The following CCDC15 variants were observed in gnomAD, a reference collection of about 807,000 sequenced individuals.
CCDC15 encodes the protein coiled-coil domain containing 15.
In CCDC15, 105 loss-of-function variants were observed where a neutral mutation model predicts 114.5. The observed-to-expected ratio is 0.92, with a 90% CI of 0.78 to 1.08. The LOEUF is 1.08. Ranked by LOEUF, CCDC15 falls within the 50% of genes least tolerant of loss-of-function variation. The probability of loss-of-function intolerance (pLI) is 0.00; values close to 1 mark genes in which losing one functional copy is unlikely to be tolerated. For missense variants in CCDC15, 1,105 were observed against 1,093.6 expected (o/e 1.01, Z -0.15); for synonymous variants, 334 against 377.8 (o/e 0.88, Z 1.34).
chr11:124,978,621 T>C (rs763717615), intron 6 of CCDC15, among the ~76,000 whole-genome samples: 4 of 152,178 alleles, frequency 2.6e-5, no homozygotes, highest in Non-Finnish European at 4.4e-5. Context: ...GTATGTCTTC[T>C]TTTGAAGTGT....
intron 13 of CCDC15, among the ~76,000 whole-genome samples, chr11:125,026,258 G>A (rs1049955968): frequency 6.6e-6 from 1 of 152,208 alleles, no homozygotes; most frequent in East Asian, 1.9e-4. Flanking sequence ...CTGGATGGAC[G>A]ATTCCCCTCT....
rs1349492342 is a variant in CCDC15, at chr11:125,002,420, ACTT to A, written c.2215-1440_2215-1438del. On this transcript the variant is annotated intron_variant, in intron 11 of 15. Coordinates refer to ENST00000344762, the MANE Select transcript of CCDC15 (RefSeq NM_025004.3). ...AATTTTGATAAAATCCGATTTGTCT[ACTT>A]CTTCTTTCATGGTTTGTGCTTTTAT... Among the ~76,000 whole-genome samples, 9 of 152,244 alleles carry A rather than the reference ACTT, an allele frequency of 5.9e-5. No homozygotes were observed. The South Asian group carries it at 1.7e-3, about 28-fold the overall frequency.
In CCDC15 at chr11:125,038,602, G is replaced by A. The variant is rs1428436496; in HGVS notation, c.2583G>A (p.Leu861=). Residue 861 remains leucine, a splice_region_variant and synonymous_variant, in exon 14 of 16, where the codon CTG becomes CTA. Coordinates refer to ENST00000344762, the MANE Select transcript of CCDC15 (RefSeq NM_025004.3). ...REKQQREKEY[L]RYVEALRAQI... is the part of the protein sequence containing the mutation. ...AACAACAGAGAGAAAAAGAATACCT[G>A]AGGTAATTTGAAAAGGTCTTCATGA... is the stretch of plus-strand genomic sequence containing the variant. The A allele has an allele frequency of 1.3e-6, 2 of 1,552,812 alleles. No individual in the cohort carries two copies. The highest frequency in any genetic ancestry group is 1.7e-6 in the Non-Finnish European group (2 of 1,153,638).
intron 2 of CCDC15, among the ~76,000 whole-genome samples, chr11:124,958,627 C>T (rs1947597322): frequency 6.6e-6 from 1 of 151,988 alleles, no homozygotes; most frequent in Non-Finnish European, 1.5e-5. Flanking sequence ...GTACTATACT[C>T]AGTTAACATT....
intron 4 of CCDC15, among the ~76,000 whole-genome samples, chr11:124,968,369 C>A (rs1244014322): frequency 6.6e-6 from 1 of 152,224 alleles, no homozygotes; most frequent in Non-Finnish European, 1.5e-5. Flanking sequence ...ATGGCGGACG[C>A]CCCTCCTCCA....
At chr11:124,963,269 G>A (rs1288841930) in intron 4 of CCDC15, among the ~76,000 whole-genome samples, 3 of 152,188 alleles carry the variant, frequency 2.0e-5, no homozygotes, top group Non-Finnish European at 4.4e-5. Flanking sequence ...CAGTGTAAAA[G>A]TGTTCCTATT....
intron 4 of CCDC15, among the ~76,000 whole-genome samples, chr11:124,970,794 A>G (rs1402875329): frequency 2.0e-5 from 3 of 152,160 alleles, no homozygotes; most frequent in Non-Finnish European, 2.9e-5. Flanking sequence ...TATTTCTCAA[A>G]TTTTATCCTT....
At chr11:124,993,315 A>G in intron 11 of CCDC15, 72 bp downstream of exon 11, 1 of 1,021,270 alleles carries the variant, frequency 9.8e-7, no homozygotes, top group Non-Finnish European at 1.5e-6. Flanking sequence ...AGTAAGTAAC[A>G]GAGTGTAAAT....
At chr11:124,986,680 TG>T in intron 6 of CCDC15, 61 bp from the exon 7 acceptor site, 2 of 1,389,640 alleles carry the variant, frequency 1.4e-6, no homozygotes, top group Non-Finnish European at 1.9e-6. Flanking sequence ...TGTGTGTGTG[TG>T]TGTGTGTGTT....
chr11:125,036,388 A>T (rs1426688210), intron 13 of CCDC15, among the ~76,000 whole-genome samples: 5 of 37,282 alleles, frequency 1.3e-4, no homozygotes, highest in African/African-American at 6.3e-4. Flanking sequence ...TTCTTTTCCT[A>T]CTTTTAGAAT....
chr11:124,995,352 A>G (rs1413812220), intron 11 of CCDC15, among the ~76,000 whole-genome samples: 3 of 152,084 alleles, frequency 2.0e-5, no homozygotes, highest in African/African-American at 7.2e-5. Flanking sequence ...AACAATTTGT[A>G]GTTAATTATT....
chr11:125,009,396 CTG>C (rs149136630), intron 13 of CCDC15, among the ~76,000 whole-genome samples: 7,746 of 152,074 alleles, frequency 0.051, 220 homozygotes, highest in Middle Eastern at 0.082. Context: ...TTGAAACACT[CTG>C]TATAATACTA....
intron 6 of CCDC15, 59 bp from the exon 7 acceptor site, chr11:124,986,683 G>A: frequency 7.2e-7 from 1 of 1,395,612 alleles, no homozygotes; most frequent in Non-Finnish European, 9.6e-7. Flanking sequence ...GTGTGTGTGT[G>A]TGTGTGTTTG....
intron 13 of CCDC15, among the ~76,000 whole-genome samples, chr11:125,008,775 C>T (rs916794582): frequency 6.6e-6 from 1 of 151,806 alleles, no homozygotes; most frequent in Non-Finnish European, 1.5e-5. Flanking sequence ...TCACTGCAAC[C>T]TCCGCCTCCC....
chr11:125,025,045 A>AATACATATGAAT lies in CCDC15; in HGVS notation c.2412-13383_2412-13382insCATATGAATATA, dbSNP rs1555074449. ...ATGAATATATATATGAATACATATG[A>AATACATATGAAT]ATATATATGAATATATATATGAATA... On this transcript the variant is annotated intron_variant, in intron 13 of 15. Coordinates refer to ENST00000344762, the MANE Select transcript of CCDC15 (RefSeq NM_025004.3). 4.8e-4 allele frequency among the ~76,000 whole-genome samples: 50 copies of AATACATATGAAT among 103,158 alleles called. 2 individuals are homozygous for AATACATATGAAT. Among genetic ancestry groups the AATACATATGAAT allele is most frequent in the East Asian group, 3.2e-3 (13 of 4,068 alleles). The allele number at this position is 103,158 out of a possible 152,430, so 67.7% of individuals were successfully genotyped here.
chr11:125,035,456 C>T (rs1369646117), intron 13 of CCDC15, among the ~76,000 whole-genome samples: 1 of 151,416 alleles, frequency 6.6e-6, no homozygotes, highest in African/African-American at 2.4e-5. Flanking sequence ...TATTTTCAGC[C>T]TATATGTGTC....
rs576036121 is a variant in CCDC15, at chr11:124,957,249, C to T, written c.178-1866C>T. Among the ~76,000 whole-genome samples, 9 of 152,270 alleles carry T rather than the reference C, an allele frequency of 5.9e-5. No homozygotes were observed. The South Asian group carries it at 1.7e-3, about 28-fold the overall frequency. On this transcript the variant is annotated intron_variant, in intron 2 of 15. Transcript: ENST00000344762. Reference sequence around the variant, plus strand: ...ATGTCTGAGACACCTTGACTATTTTCCGGCTATTGGCTGGAGCTAGACAAT... The same window carrying T: ...ATGTCTGAGACACCTTGACTATTTTTCGGCTATTGGCTGGAGCTAGACAAT...
At chr11:124,966,334 G>T (rs1947781466) in intron 4 of CCDC15, among the ~76,000 whole-genome samples, 1 of 152,156 alleles carries the variant, frequency 6.6e-6, no homozygotes, top group Admixed American at 6.5e-5. Context: ...CCTGTATTGG[G>T]TGTATATACA....
chr11:124,986,700 TGCGCGCGCGC>T, intron 6 of CCDC15, 32 bp from the exon 7 acceptor site: 1 of 1,351,588 alleles, frequency 7.4e-7, no homozygotes, highest in Non-Finnish European at 9.9e-7. Context: ...TTTGTGTGTG[TGCGCGCGCGC>T]GCGTGCGCGT....
Sources: allele counts gnomAD v4.1 joint callset (sites outside exome capture counted in the v4.1 genomes callset), GRCh38; gene constraint gnomAD v4.1.1; transcripts MANE v1.5; gene names NCBI Gene and HGNC (gene_info 2026-07-23, HGNC 2026-07-21).